VWC2: variants seen among roughly 807,000 people sequenced by gnomAD.
VWC2 encodes the protein brorin.
A neutral mutation model predicts 29.8 loss-of-function variants in VWC2; 14 were observed. That is an observed-to-expected ratio of 0.47 (90% CI 0.31 to 0.74). The LOEUF is 0.74. Among genes scored for constraint, VWC2 ranks in the 30% least tolerant of loss-of-function variants. The pLI, the probability that VWC2 is intolerant of heterozygous loss-of-function variation, is 0.05. For synonymous variants in VWC2, 213 were observed against 199.0 expected, an observed-to-expected ratio of 1.07 and a Z score of -0.59; for missense variants, 457 against 459.8, an observed-to-expected ratio of 0.99 and a Z score of 0.05.
intron 3 of VWC2, among the ~76,000 whole-genome samples, chr7:49,888,974 G>A (rs941940552): frequency 6.6e-6 from 1 of 152,126 alleles, no homozygotes; most frequent in Non-Finnish European, 1.5e-5. Context: ...ACATATGGAG[G>A]ATGGAGCTGG....
chr7:49,888,096 G>C (rs997310997), intron 3 of VWC2, among the ~76,000 whole-genome samples: 1 of 152,196 alleles, frequency 6.6e-6, no homozygotes, highest in African/African-American at 2.4e-5. Context: ...ACTCTTCTCA[G>C]CCTCTTCAGT....
rs1344807210 is a variant in VWC2, at chr7:49,920,956, G to C, written c.*8771G>C. ...TTATGAATTTCTGACAGTTTCTATA[G>C]ACTGAGAATAATGATATGCTTTTAT... On this transcript the variant is annotated 3_prime_UTR_variant, in exon 4 of 4. Coordinates refer to ENST00000340652, the MANE Select transcript of VWC2 (RefSeq NM_198570.5). The C allele has an allele frequency of 6.6e-6, 1 of 152,176 alleles. No individual in the cohort carries two copies. Among genetic ancestry groups the C allele is most frequent in the Non-Finnish European group, 1.5e-5 (1 of 68,030 alleles). The allele number at this position is 152,176 out of a possible 1,614,324, so 9.4% of individuals were successfully genotyped here.
intron 1 of VWC2, 69 bp from the exon 2 acceptor site, chr7:49,775,264 G>A: frequency 3.1e-6 from 1 of 318,848 alleles, no homozygotes; most frequent in Non-Finnish European, 5.5e-6. Context: ...CGGAGCCCGG[G>A]TGGGGGCCGC....
At chr7:49,858,708 TAAAAA>T (rs150250284) in intron 3 of VWC2, among the ~76,000 whole-genome samples, 1 of 151,636 alleles carries the variant, frequency 6.6e-6, no homozygotes, top group African/African-American at 2.4e-5. Context: ...ATAATAATAA[TAAAAA>T]AAAGAAAGCT....
chr7:49,897,754 C>T (rs1583782279), intron 3 of VWC2, among the ~76,000 whole-genome samples: 1 of 152,148 alleles, frequency 6.6e-6, no homozygotes, highest in Non-Finnish European at 1.5e-5. Context: ...GAAAACCTAA[C>T]CGGTAACTGA....
chr7:49,816,414 T>C (rs1240617685), intron 3 of VWC2, among the ~76,000 whole-genome samples: 1 of 152,078 alleles, frequency 6.6e-6, no homozygotes, highest in African/African-American at 2.4e-5. Context: ...AGGAGATACA[T>C]CAAAGGTCAA....
At chr7:49,865,901 T>A (rs1790864370) in intron 3 of VWC2, among the ~76,000 whole-genome samples, 2 of 152,194 alleles carry the variant, frequency 1.3e-5, no homozygotes, top group South Asian at 4.2e-4. Flanking sequence ...TGGAACAATG[T>A]CCTTAAGATT....
At position 49,775,633 on chromosome 7, in the gene VWC2, G is replaced by A. The variant is rs1227465869; in HGVS notation, c.198G>A (p.Ala66=). Residue 66 remains alanine, a synonymous_variant, in exon 2 of 4, where the codon GCG becomes GCA. Transcript: ENST00000340652. ...GGGTGAACGAGCTCGGGCGCCCGGCGAGGGACGAGGGCGGCAGCGGCCGGG... is the reference window on the plus strand; with the variant it reads ...GGGTGAACGAGCTCGGGCGCCCGGCAAGGGACGAGGGCGGCAGCGGCCGGG... The part of the protein sequence containing the change: ...PGRVNELGRP[A]RDEGGSGRDW... The A allele has an allele frequency of 2.6e-6, 4 of 1,529,598 alleles. No individual in the cohort carries two copies. Among genetic ancestry groups the A allele is most frequent in the Non-Finnish European group, 3.5e-6 (4 of 1,141,314 alleles). The allele number at this position is 1,529,598 out of a possible 1,614,324, so 94.8% of individuals were successfully genotyped here.
intron 3 of VWC2, among the ~76,000 whole-genome samples, chr7:49,900,930 A>G (rs190000032): frequency 6.6e-6 from 1 of 152,038 alleles, no homozygotes; most frequent in Non-Finnish European, 1.5e-5. Flanking sequence ...CATGGGATTT[A>G]TCCCAGGTAT....
At chr7:49,875,172 C>G (rs776000853) in intron 3 of VWC2, among the ~76,000 whole-genome samples, 1 of 151,580 alleles carries the variant, frequency 6.6e-6, no homozygotes, top group Non-Finnish European at 1.5e-5. Context: ...GAGTTCGAGA[C>G]TAGCCTGGCC....
intron 3 of VWC2, among the ~76,000 whole-genome samples, chr7:49,841,944 G>A (rs1264136026): frequency 4.0e-5 from 6 of 151,828 alleles, no homozygotes; most frequent in Non-Finnish European, 8.8e-5. Context: ...TCAGCTCACT[G>A]CATCCTCCAC....
chr7:49,837,985 G>C (rs1789703646), intron 3 of VWC2, among the ~76,000 whole-genome samples: 1 of 152,184 alleles, frequency 6.6e-6, no homozygotes, highest in African/African-American at 2.4e-5. Flanking sequence ...CCTGTACATT[G>C]ATGGGATAGT....
In VWC2 at chr7:49,920,895, T is replaced by C. The variant is rs1057499677; in HGVS notation, c.*8710T>C. The C allele has an allele frequency of 1.3e-5, 2 of 152,198 alleles. No individual in the cohort carries two copies. Among genetic ancestry groups the C allele is most frequent in the Non-Finnish European group, 2.9e-5 (2 of 68,028 alleles). 9.4% of individuals were successfully genotyped at this position (152,198 alleles called of 1,614,324 possible). ...TGTCTTCATTTCTAATAGACTGTTA[T>C]AGGGGAAATGTACTAAAATGTTGTA... On this transcript the variant is annotated 3_prime_UTR_variant, in exon 4 of 4. Transcript: ENST00000340652.
At chr7:49,884,048 C>T (rs1020178346) in intron 3 of VWC2, among the ~76,000 whole-genome samples, 1 of 152,202 alleles carries the variant, frequency 6.6e-6, no homozygotes, top group Non-Finnish European at 1.5e-5. Context: ...CTCCCAGGAC[C>T]TTGGGGCATC....
chr7:49,920,936 A>G lies in VWC2; in HGVS notation c.*8751A>G, dbSNP rs1272033856. 1 of 152,210 alleles carries G rather than the reference A, an allele frequency of 6.6e-6. No individual in the cohort carries two copies. Among genetic ancestry groups the G allele is most frequent in the Non-Finnish European group, 1.5e-5 (1 of 68,038 alleles). 9.4% of individuals were successfully genotyped at this position (152,210 alleles called of 1,614,324 possible). A position where few individuals can be genotyped will look rare whatever the true frequency, so the allele number is the denominator to read the frequency against. On this transcript the variant is annotated 3_prime_UTR_variant, in exon 4 of 4. Coordinates refer to ENST00000340652, the MANE Select transcript of VWC2 (RefSeq NM_198570.5). ...AAATGTTGTACTTATTACATTTATG[A>G]ATTTCTGACAGTTTCTATAGACTGA...
At chr7:49,862,469 C>G (rs1272949363) in intron 3 of VWC2, among the ~76,000 whole-genome samples, 1 of 152,026 alleles carries the variant, frequency 6.6e-6, no homozygotes, top group Non-Finnish European at 1.5e-5. Flanking sequence ...TTTTCTTTGC[C>G]TAGTTGTTCT....
chr7:49,881,490 C>T (rs539096610), intron 3 of VWC2, among the ~76,000 whole-genome samples: 64 of 152,240 alleles, frequency 4.2e-4, no homozygotes, highest in Middle Eastern at 6.8e-3. Flanking sequence ...ATGCACAAAA[C>T]GTCCTGTCTC....
At chr7:49,799,712 G>C (rs1788690695) in intron 2 of VWC2, among the ~76,000 whole-genome samples, 1 of 152,202 alleles carries the variant, frequency 6.6e-6, no homozygotes, top group Admixed American at 6.5e-5. Flanking sequence ...GCATCCTTAG[G>C]TGATTTTATC....
intron 3 of VWC2, among the ~76,000 whole-genome samples, chr7:49,855,057 T>C (rs1429205891): frequency 6.6e-6 from 1 of 152,212 alleles, no homozygotes; most frequent in East Asian, 1.9e-4. Flanking sequence ...TCGGCTTCTA[T>C]ATTTGAAAAT....
Sources: gnomAD v4.1 joint callset for allele counts (sites outside exome capture counted in the v4.1 genomes callset) on GRCh38, gnomAD v4.1.1 for gene constraint, MANE v1.5 for transcripts, NCBI Gene and HGNC (gene_info 2026-07-23, HGNC 2026-07-21) for gene names.